UST: variants seen among roughly 807,000 people sequenced by gnomAD.
UST encodes uronyl 2-sulfotransferase.
Under a neutral mutation model 45.6 loss-of-function variants are expected in UST, and 21 were observed. The observed-to-expected ratio is 0.46, with a 90% CI of 0.33 to 0.66. UST has a LOEUF of 0.66. Among genes scored for constraint, UST ranks in the 30% least tolerant of loss-of-function variants. The probability of loss-of-function intolerance (pLI) is 0.02; values close to 1 mark genes in which losing one functional copy is unlikely to be tolerated. For synonymous variants in UST, 215 were observed against 200.6 expected (o/e 1.07, Z -0.61); for missense variants, 463 against 512.4 (o/e 0.90, Z 0.93).
intron 1 of UST, among the ~76,000 whole-genome samples, chr6:148,883,343 G>A (rs573484839): frequency 6.6e-6 from 1 of 152,216 alleles, no homozygotes; most frequent in South Asian, 2.1e-4. Flanking sequence ...TCCAAGCTGA[G>A]GTGCTAAGGA....
intron 1 of UST, among the ~76,000 whole-genome samples, chr6:148,849,683 A>G (rs1057369095): frequency 6.6e-6 from 1 of 152,122 alleles, no homozygotes; most frequent in African/African-American, 2.4e-5. Flanking sequence ...AAGGGGAAGC[A>G]CCTTATAAAA....
intron 1 of UST, among the ~76,000 whole-genome samples, chr6:148,846,743 G>T (rs747473064): frequency 2.0e-5 from 3 of 152,244 alleles, no homozygotes; most frequent in Non-Finnish European, 2.9e-5. Context: ...TAAATATGAT[G>T]CACATGAAAC....
At chr6:148,968,974 T>A (rs1780860828) in intron 5 of UST, among the ~76,000 whole-genome samples, 1 of 152,280 alleles carries the variant, frequency 6.6e-6, no homozygotes, top group Non-Finnish European at 1.5e-5. Flanking sequence ...ATGTGTAATT[T>A]ACAGCTTCTT....
At chr6:148,968,035 AT>A (rs1334070242) in intron 5 of UST, among the ~76,000 whole-genome samples, 1 of 152,172 alleles carries the variant, frequency 6.6e-6, no homozygotes, top group Non-Finnish European at 1.5e-5. Context: ...CGGGCCTGGG[AT>A]TCGGGGTGGG....
chr6:148,995,945 T>C (rs1781445700), intron 5 of UST, among the ~76,000 whole-genome samples: 1 of 152,178 alleles, frequency 6.6e-6, no homozygotes, highest in Non-Finnish European at 1.5e-5. Flanking sequence ...GCATTGGTAA[T>C]TGCTGTCCCA....
intron 1 of UST, among the ~76,000 whole-genome samples, chr6:148,760,891 G>A (rs1235067693): frequency 1.3e-5 from 2 of 152,194 alleles, no homozygotes; most frequent in African/African-American, 4.8e-5. Flanking sequence ...TGGCCAGTAA[G>A]CACAAAGAGA....
chr6:148,859,372 C>G (rs1055085871), intron 1 of UST, among the ~76,000 whole-genome samples: 1 of 152,122 alleles, frequency 6.6e-6, no homozygotes, highest in African/African-American at 2.4e-5. Flanking sequence ...TGTTTGAGTT[C>G]TTTGTAGATT....
At chr6:149,069,671 ACTAGGAGTAACCTTATGGCAGTTGAC>A in intron 7 of UST, among the ~76,000 whole-genome samples, 1 of 152,342 alleles carries the variant, frequency 6.6e-6, no homozygotes, top group East Asian at 1.9e-4. Context: ...ATTGTCATGA[ACTAGGAGTAACCTTATGGCAGTTGAC>A]CCAGTCACCT....
At chr6:148,780,263 A>C (rs1214782855) in intron 1 of UST, among the ~76,000 whole-genome samples, 3 of 152,086 alleles carry the variant, frequency 2.0e-5, no homozygotes, top group African/African-American at 7.2e-5. Flanking sequence ...GTTTATCAGC[A>C]CCACTTCTCA....
chr6:148,893,946 G>C (rs1469989823), intron 2 of UST, among the ~76,000 whole-genome samples: 5 of 152,106 alleles, frequency 3.3e-5, no homozygotes, highest in Admixed American at 1.3e-4. Context: ...TGAGCCCAGA[G>C]AGTTGGAGGT....
intron 7 of UST, among the ~76,000 whole-genome samples, chr6:149,068,150 G>T (rs7760242): frequency 0.63 from 96,193 of 151,970 alleles, 31,320 homozygotes; most frequent in African/African-American, 0.77. Context: ...TCAGTCAGCA[G>T]GAGGAGTAGT....
intron 1 of UST, among the ~76,000 whole-genome samples, chr6:148,882,469 A>G (rs1311796438): frequency 7.0e-6 from 1 of 142,874 alleles, no homozygotes; most frequent in South Asian, 2.4e-4. Flanking sequence ...CCGGGCAACA[A>G]GAGCAAAACT....
Position 148,747,493 on chromosome 6 carries a change from G to T in UST, c.63G>T (p.Met21Ile), listed in dbSNP as rs750013918. 14 of 1,518,434 alleles carry T rather than the reference G, an allele frequency of 9.2e-6. No individual in the cohort carries two copies. The African/African-American group carries it at 9.9e-5, about 11-fold the overall frequency. The allele number at this position is 1,518,434 out of a possible 1,614,324, so 94.1% of individuals were successfully genotyped here. A position where few individuals can be genotyped will look rare whatever the true frequency, so the allele number is the denominator to read the frequency against. ...GADPWPHGAP[M>I]GGAPPGLGSW... ...ATCCCTGGCCCCATGGGGCCCCTATGGGGGGCGCCCCTCCGGGCCTGGGCA... is the reference window on the plus strand; with the variant it reads ...ATCCCTGGCCCCATGGGGCCCCTATTGGGGGCGCCCCTCCGGGCCTGGGCA... The change falls in exon 1 of 8, where the codon ATG (methionine) becomes ATT (isoleucine). Residue 21 changes from methionine to isoleucine, a missense_variant. By Grantham distance (10) the Met-to-Ile change is conservative (BLOSUM62 1). This residue lies in a region of UST where 176 missense variants were observed against 138.3 expected (regional missense o/e 1.27). Transcript: ENST00000367463.
intron 1 of UST, among the ~76,000 whole-genome samples, chr6:148,836,113 G>T (rs948436099): frequency 1.9e-4 from 29 of 152,130 alleles, no homozygotes; most frequent in African/African-American, 6.5e-4. Context: ...CGGAAGAGGA[G>T]GAAAAGCAGC....
chr6:148,768,994 A>G (rs759621506), intron 1 of UST, among the ~76,000 whole-genome samples: 2 of 152,226 alleles, frequency 1.3e-5, no homozygotes, highest in Non-Finnish European at 2.9e-5. Flanking sequence ...CCAGGCAGAC[A>G]TGGCCACTGT....
chr6:148,984,386 G>C (rs1781199221), intron 5 of UST, among the ~76,000 whole-genome samples: 1 of 152,100 alleles, frequency 6.6e-6, no homozygotes, highest in Admixed American at 6.5e-5. Flanking sequence ...TGAGAACAGG[G>C]GTGTGATATG....
chr6:149,027,945 G>A (rs1459084821), intron 7 of UST, among the ~76,000 whole-genome samples: 3 of 151,448 alleles, frequency 2.0e-5, no homozygotes, highest in Non-Finnish European at 2.9e-5. Flanking sequence ...CTGGGTTCAG[G>A]CCATTCTCCT....
At chr6:148,972,179 T>A (rs1780930256) in intron 5 of UST, among the ~76,000 whole-genome samples, 1 of 152,184 alleles carries the variant, frequency 6.6e-6, no homozygotes, top group African/African-American at 2.4e-5. Context: ...GGACTTGTCA[T>A]TGGCTGGGAT....
At chr6:149,008,408 G>A (rs987531945) in intron 5 of UST, among the ~76,000 whole-genome samples, 2 of 152,134 alleles carry the variant, frequency 1.3e-5, no homozygotes, top group African/African-American at 4.8e-5. Context: ...GGTGGAACTC[G>A]CCCTTGTTGG....
Sources: gnomAD v4.1 joint callset for allele counts (sites outside exome capture counted in the v4.1 genomes callset) on GRCh38, gnomAD v4.1.1 for gene constraint, gnomAD v4.1.1 regional missense constraint, MANE v1.5 for transcripts, NCBI Gene and HGNC (gene_info 2026-07-23, HGNC 2026-07-21) for gene names.